RNF130: variants seen among roughly 807,000 people sequenced by gnomAD.
The protein encoded by RNF130 is E3 ubiquitin-protein ligase RNF130.
A neutral mutation model predicts 44.6 loss-of-function variants in RNF130; 21 were observed. That is an observed-to-expected ratio of 0.47 (90% CI 0.33 to 0.68). The LOEUF is 0.68. RNF130 is among the 30% of genes least tolerant of loss of function. RNF130 has a pLI of 0.02. For missense variants in RNF130, 479 were observed against 560.6 expected, an observed-to-expected ratio of 0.85 and a Z score of 1.47; for synonymous variants, 214 against 210.4, an observed-to-expected ratio of 1.02 and a Z score of -0.15.
intron 1 of RNF130, among the ~76,000 whole-genome samples, chr5:180,045,394 C>T (rs4466125): frequency 0.67 from 102,232 of 151,952 alleles, 34,712 homozygotes; most frequent in African/African-American, 0.76. Flanking sequence ...GTCTCACTGA[C>T]TTCAAGAGTG....
chr5:179,939,254 G>A (rs1761940604), intron 7 of RNF130, among the ~76,000 whole-genome samples: 1 of 140,148 alleles, frequency 7.1e-6, no homozygotes, highest in South Asian at 2.5e-4. Flanking sequence ...TGCATACAGA[G>A]ATTTATAACA....
At chr5:179,967,508 AAGTT>A in intron 6 of RNF130, among the ~76,000 whole-genome samples, 1 of 152,252 alleles carries the variant, frequency 6.6e-6, no homozygotes, top group South Asian at 2.1e-4. Context: ...GAATAGGTCA[AAGTT>A]GAAAAGACTT....
At chr5:180,039,242 C>A (rs188663216) in intron 2 of RNF130, among the ~76,000 whole-genome samples, 1 of 151,866 alleles carries the variant, frequency 6.6e-6, no homozygotes, top group Admixed American at 6.6e-5. Flanking sequence ...TACTTCTTTT[C>A]TTTTCTTTTT....
rs560956408 is a variant in RNF130 at position 180,027,806 on chromosome 5, T to C, written c.442+12647A>G. 3.9e-5 allele frequency among the ~76,000 whole-genome samples: 6 copies of C among 152,304 alleles called. No homozygotes were observed. The South Asian group carries it at 1.0e-3, about 26-fold the overall frequency. The stretch of plus-strand genomic sequence containing the variant: ...CCCAATCAGATGGCAGAGAAGAAGC[T>C]AGGAACCCTGCTAGCTGCTTGAGAC... On this transcript the variant is annotated intron_variant, in intron 2 of 8. Coordinates refer to ENST00000521389, the MANE Select transcript of RNF130 (RefSeq NM_018434.6).
intron 6 of RNF130, 82 bp from the exon 7 acceptor site, chr5:179,967,092 A>T: frequency 1.5e-6 from 2 of 1,327,006 alleles, no homozygotes; most frequent in Non-Finnish European, 1.1e-6. Context: ...CTAAACTTTG[A>T]CGCCCTGTTG....
At chr5:179,980,290 T>C in intron 3 of RNF130, 90 bp from the exon 4 acceptor site, 1 of 1,164,330 alleles carries the variant, frequency 8.6e-7, no homozygotes, top group Non-Finnish European at 1.3e-6. Context: ...ATAAAGTCTC[T>C]ATTTTACTAC....
chr5:180,034,571 C>A (rs931303887), intron 2 of RNF130, among the ~76,000 whole-genome samples: 23 of 136,366 alleles, frequency 1.7e-4, no homozygotes, highest in African/African-American at 4.7e-4. Context: ...TTCTGACAAT[C>A]TGTATATTTT....
intron 2 of RNF130, among the ~76,000 whole-genome samples, chr5:180,030,292 G>A (rs2113121526): frequency 6.6e-6 from 1 of 152,270 alleles, no homozygotes. Flanking sequence ...ACATACAACT[G>A]AAACCTGTTT....
intron 3 of RNF130, among the ~76,000 whole-genome samples, chr5:179,981,011 G>A (rs933086447): frequency 2.6e-5 from 4 of 152,154 alleles, no homozygotes; most frequent in African/African-American, 4.8e-5. Flanking sequence ...CGAGGCAGGG[G>A]AGGAACGTCA....
At chr5:179,985,061 G>C (rs1762924022) in intron 3 of RNF130, among the ~76,000 whole-genome samples, 1 of 150,244 alleles carries the variant, frequency 6.7e-6, no homozygotes, top group Non-Finnish European at 1.5e-5. Flanking sequence ...TTTCCATCAA[G>C]TCATCTCCTA....
intron 2 of RNF130, among the ~76,000 whole-genome samples, chr5:180,021,031 G>C (rs1269566152): frequency 4.5e-5 from 3 of 66,886 alleles, no homozygotes; most frequent in African/African-American, 1.7e-4. Context: ...CGCCAGGCTG[G>C]AGTGCAGTGG....
In RNF130 at chr5:180,071,610, G is replaced by A; in HGVS notation, c.93C>T (p.Ser31=). 2 of 1,507,104 alleles carry A rather than the reference G, an allele frequency of 1.3e-6. No homozygotes were observed. The highest frequency in any genetic ancestry group is 1.3e-5 in the South Asian group (1 of 79,914). The allele number at this position is 1,507,104 out of a possible 1,614,324, so 93.4% of individuals were successfully genotyped here. Residue 31 remains serine (S), a synonymous_variant, in exon 1 of 9, where the codon AGC becomes AGT. Coordinates refer to ENST00000521389, the MANE Select transcript of RNF130 (RefSeq NM_018434.6). The part of the protein sequence containing the change: ...SLWPARADNA[S]QEYYTALINV... ...TGATGAGCGCCGTGTAGTACTCCTG[G>A]CTCGCGTTGTCTGCCCGTGCCGGCC...
At chr5:180,015,427 C>T (rs752419354) in intron 2 of RNF130, 1 of 493,938 alleles carries the variant, frequency 2.0e-6, no homozygotes, top group South Asian at 1.5e-5. Context: ...GAGGCTCCCT[C>T]TTGAAGACTC....
At chr5:179,913,166 G>A (rs1002489329) in exon 8 of RNF130, 21 of 152,282 alleles carry the variant, frequency 1.4e-4, no homozygotes, top group African/African-American at 4.8e-4. Flanking sequence ...CCCTCGGCTC[G>A]GGACGGCAGC....
At chr5:179,958,781 G>A (rs1478218492) in intron 8 of RNF130, among the ~76,000 whole-genome samples, 2 of 152,120 alleles carry the variant, frequency 1.3e-5, no homozygotes, top group African/African-American at 4.8e-5. Context: ...TCGCCTCCCA[G>A]GTTCAAGTGA....
chr5:179,951,683 AT>A (rs370374930), downstream of RNF130, among the ~76,000 whole-genome samples: 1,192 of 152,348 alleles, frequency 7.8e-3, 6 homozygotes, highest in Middle Eastern at 0.027. Flanking sequence ...AGAAGCCTTA[AT>A]AAATTTATGA....
chr5:180,045,968 T>TG (rs1234922212), intron 1 of RNF130, among the ~76,000 whole-genome samples: 1 of 152,128 alleles, frequency 6.6e-6, no homozygotes. Context: ...CCTCAGCCCC[T>TG]GGGCGGTGGA....
intron 7 of RNF130, among the ~76,000 whole-genome samples, chr5:179,932,706 C>T (rs1761826779): frequency 6.6e-6 from 1 of 151,918 alleles, no homozygotes; most frequent in South Asian, 2.1e-4. Context: ...GGCGTGGTGG[C>T]ACATCTGTAA....
intron 3 of RNF130, among the ~76,000 whole-genome samples, chr5:180,002,689 T>G (rs899147532): frequency 6.6e-6 from 1 of 152,158 alleles, no homozygotes; most frequent in Non-Finnish European, 1.5e-5. Flanking sequence ...TCCCAGCTGA[T>G]CCTGGTTAGA....
Sources: gnomAD v4.1 joint callset for allele counts (sites outside exome capture counted in the v4.1 genomes callset) on GRCh38, gnomAD v4.1.1 for gene constraint, MANE v1.5 for transcripts, NCBI Gene and HGNC (gene_info 2026-07-23, HGNC 2026-07-21) for gene names.